The following SLC44A1 variants were observed in gnomAD, a reference collection of about 807,000 sequenced individuals.
The protein encoded by SLC44A1 is choline transporter-like protein 1.
A neutral mutation model predicts 79.3 loss-of-function variants in SLC44A1; 26 were observed. That is an observed-to-expected ratio of 0.33 (90% CI 0.24 to 0.46). SLC44A1 has a LOEUF of 0.46. Among genes scored for constraint, SLC44A1 ranks in the 20% least tolerant of loss-of-function variants. The pLI, the probability that SLC44A1 is intolerant of heterozygous loss-of-function variation, is 1.00. For missense variants in SLC44A1, 688 were observed against 798.1 expected, an observed-to-expected ratio of 0.86 and a Z score of 1.66; for synonymous variants, 263 against 286.2, an observed-to-expected ratio of 0.92 and a Z score of 0.82.
At chr9:105,270,161 A>G (rs757146621) in intron 1 of SLC44A1, among the ~76,000 whole-genome samples, 6 of 152,068 alleles carry the variant, frequency 3.9e-5, no homozygotes, top group Non-Finnish European at 7.4e-5. Flanking sequence ...TCTTACTGTC[A>G]TGGAACTCAG....
At chr9:105,335,843 T>G in intron 4 of SLC44A1, 144 bp downstream of exon 4, 1 of 807,570 alleles carries the variant, frequency 1.2e-6, no homozygotes, top group Non-Finnish European at 1.8e-6. Flanking sequence ...AATATTATAG[T>G]CACCCAGGGA....
chr9:105,269,485 A>G (rs151313603), intron 1 of SLC44A1, among the ~76,000 whole-genome samples: 11 of 152,172 alleles, frequency 7.2e-5, no homozygotes, highest in South Asian at 2.1e-4. Context: ...GTATTTCCCA[A>G]TCTCCATTCT....
chr9:105,257,447 C>T (rs9775852), intron 1 of SLC44A1, among the ~76,000 whole-genome samples: 9,715 of 152,092 alleles, frequency 0.064, 1,016 homozygotes, highest in African/African-American at 0.22. Flanking sequence ...CCCAGGCTGG[C>T]CTCAAATTCC....
rs924977542 is a variant in SLC44A1 at position 105,391,107 on chromosome 9, A to G, written c.*2051A>G. 3.0e-6 allele frequency: 3 copies of G among 985,830 alleles called. No homozygotes were observed. The highest frequency in any genetic ancestry group is 3.6e-6 in the Non-Finnish European group (3 of 829,910). The allele number at this position is 985,830 out of a possible 1,614,324, so 61.1% of individuals were successfully genotyped here. A position where few individuals can be genotyped will look rare whatever the true frequency, so the allele number is the denominator to read the frequency against. ...GTCTAGAAGATGGGTATCAAAACAG[A>G]AGACATTCCAGGAGCTAGCAATTTT... On this transcript the variant is annotated 3_prime_UTR_variant, in exon 16 of 16. Transcript: ENST00000374720.
chr9:105,304,194 T>C (rs1015087816), intron 2 of SLC44A1, among the ~76,000 whole-genome samples: 5 of 152,148 alleles, frequency 3.3e-5, no homozygotes, highest in Non-Finnish European at 7.4e-5. Flanking sequence ...TAGCATTGAT[T>C]TACTTCCCAG....
chr9:105,362,027 A>C lies in SLC44A1; in HGVS notation c.900+697A>C, dbSNP rs78904412. On this transcript the variant is annotated intron_variant, in intron 8 of 15. Coordinates refer to ENST00000374720, the MANE Select transcript of SLC44A1 (RefSeq NM_080546.5). ...GGCAACTGAGTGAGACCTTGTCTCCAAAATATATATGTGTGTTTGTGTGTG... is the reference window on the plus strand; with the variant it reads ...GGCAACTGAGTGAGACCTTGTCTCCCAAATATATATGTGTGTTTGTGTGTG... Among the ~76,000 whole-genome samples the C allele has an allele frequency of 2.6e-3, 391 of 152,246 alleles. 3 individuals carry two copies. The East Asian group carries it at 0.036, about 14-fold the overall frequency.
chr9:105,374,496 A>C, intron 12 of SLC44A1, 102 bp from the exon 13 acceptor site: 1 of 1,124,528 alleles, frequency 8.9e-7, no homozygotes, highest in Non-Finnish European at 1.3e-6. Context: ...CATGTGTTTG[A>C]CTGAAATATT....
intron 1 of SLC44A1, among the ~76,000 whole-genome samples, chr9:105,275,031 A>C (rs1399712686): frequency 6.7e-6 from 1 of 148,666 alleles, no homozygotes; most frequent in Non-Finnish European, 1.5e-5. Flanking sequence ...TAAATTCTTA[A>C]CAATAATGAT....
chr9:105,252,649 T>C (rs1414143953), intron 1 of SLC44A1, among the ~76,000 whole-genome samples: 1 of 152,216 alleles, frequency 6.6e-6, no homozygotes, highest in African/African-American at 2.4e-5. Context: ...GATGTTTTTA[T>C]AGCAGGCACA....
chr9:105,348,499 G>A (rs752956207), intron 5 of SLC44A1, 48 bp downstream of exon 5: 12 of 1,157,282 alleles, frequency 1.0e-5, no homozygotes, highest in Non-Finnish European at 1.4e-5. Context: ...GTTTTTGTAG[G>A]TAAATTTTAA....
At position 105,426,776 on chromosome 9, in the gene SLC44A1, G is replaced by A. The variant is rs982884891; in HGVS notation, c.1951-11505G>A. On this transcript the variant is annotated intron_variant, in intron 15 of 15. Coordinates refer to the SLC44A1 transcript ENST00000374724. The stretch of plus-strand genomic sequence containing the variant: ...TAAGTAAACAGGATGATTATACACA[G>A]GTGAATTGAATAAATTGCTCATTAT... Among the ~76,000 whole-genome samples the A allele has an allele frequency of 4.9e-4, 74 of 152,188 alleles. 1 individual carries two copies. The highest frequency in any genetic ancestry group is 4.6e-3 in the Admixed American group (70 of 15,280).
intron 2 of SLC44A1, among the ~76,000 whole-genome samples, chr9:105,306,978 G>C (rs558856720): frequency 1.3e-5 from 2 of 152,234 alleles, no homozygotes; most frequent in East Asian, 1.9e-4. Context: ...CATTCTCACT[G>C]TTCCCCCTAG....
At chr9:105,386,973 AG>A (rs1226670302) in intron 15 of SLC44A1, among the ~76,000 whole-genome samples, 100 of 142,922 alleles carry the variant, frequency 7.0e-4, no homozygotes, top group Non-Finnish European at 1.8e-4. Context: ...TGGGAGGCAG[AG>A]GTTGCAGTGA....
chr9:105,364,074 G>T (rs910815276), intron 9 of SLC44A1, among the ~76,000 whole-genome samples: 17 of 152,156 alleles, frequency 1.1e-4, no homozygotes, highest in African/African-American at 3.9e-4. Context: ...CAGCCGTACT[G>T]AGTATCAAAG....
In SLC44A1 at chr9:105,256,720, G is replaced by A. The variant is rs150008167; in HGVS notation, c.36+11816G>A. Among the ~76,000 whole-genome samples the A allele has an allele frequency of 8.7e-3, 1,306 of 149,430 alleles. 25 individuals are homozygous for A. The highest frequency in any genetic ancestry group is 0.031 in the African/African-American group (1,245 of 40,252). On this transcript the variant is annotated intron_variant, in intron 1 of 15. Coordinates refer to ENST00000374720, the MANE Select transcript of SLC44A1 (RefSeq NM_080546.5). ...TGGGACTACAGGCATGCACTACCAC[G>A]CCCAGCTAATTTTTGTATTATTTTT...
chr9:105,265,399 C>A (rs1385201537), intron 1 of SLC44A1, among the ~76,000 whole-genome samples: 1 of 152,162 alleles, frequency 6.6e-6, no homozygotes, highest in Non-Finnish European at 1.5e-5. Context: ...GTATTGTAAA[C>A]CTTTTGAGTT....
chr9:105,379,251 G>A (rs1828387743), intron 13 of SLC44A1, among the ~76,000 whole-genome samples: 1 of 152,148 alleles, frequency 6.6e-6, no homozygotes, highest in African/African-American at 2.4e-5. Flanking sequence ...TTCCAGTCTG[G>A]GTGACAGAGC....
chr9:105,375,440 C>CT (rs1828249552), intron 13 of SLC44A1, among the ~76,000 whole-genome samples: 1 of 152,226 alleles, frequency 6.6e-6, no homozygotes, highest in African/African-American at 2.4e-5. Flanking sequence ...AGTTCTGACT[C>CT]TATCACTGAT....
intron 1 of SLC44A1, among the ~76,000 whole-genome samples, chr9:105,270,319 C>T (rs1830049741): frequency 6.6e-6 from 1 of 152,180 alleles, no homozygotes; most frequent in African/African-American, 2.4e-5. Flanking sequence ...AACTTTGTTG[C>T]TGCCACCCTA....
Sources: allele counts gnomAD v4.1 joint callset (sites outside exome capture counted in the v4.1 genomes callset), GRCh38; gene constraint gnomAD v4.1.1; transcripts MANE v1.5; gene names NCBI Gene and HGNC (gene_info 2026-07-23, HGNC 2026-07-21).